Variants in DNAJC11 observed in about 807,000 individuals in gnomAD.
DNAJC11 encodes the protein DnaJ heat shock protein family (Hsp40) member C11.
DNAJC11 carries 15 observed loss-of-function variants against 78.6 expected under a neutral mutation model. That is an observed-to-expected ratio of 0.19 (90% CI 0.13 to 0.29). The LOEUF is 0.29. Ranked by LOEUF, DNAJC11 falls within the 10% of genes least tolerant of loss-of-function variation. DNAJC11 has a pLI of 1.00. For missense variants in DNAJC11, 547 were observed against 709.6 expected, an observed-to-expected ratio of 0.77 and a Z score of 2.60; for synonymous variants, 292 against 272.1, an observed-to-expected ratio of 1.07 and a Z score of -0.72.
chr1:6,689,771 C>T (rs970270908), intron 1 of DNAJC11, among the ~76,000 whole-genome samples: 17 of 148,192 alleles, frequency 1.1e-4, no homozygotes, highest in African/African-American at 3.5e-4. Flanking sequence ...AGCGAAACTC[C>T]GTCAAAAAAA....
chr1:6,676,175 C>A (rs544136822), intron 3 of DNAJC11, among the ~76,000 whole-genome samples: 1 of 152,268 alleles, frequency 6.6e-6, no homozygotes, highest in African/African-American at 2.4e-5. Context: ...GGAGGACATG[C>A]AGATGAGAAG....
At chr1:6,641,651 C>T (rs1641880265) in intron 10 of DNAJC11, among the ~76,000 whole-genome samples, 1 of 151,756 alleles carries the variant, frequency 6.6e-6, no homozygotes, top group Admixed American at 6.6e-5. Flanking sequence ...CCTGTCTTGG[C>T]CTCCCAAAGT....
At chr1:6,676,449 G>C (rs180782613) in intron 3 of DNAJC11, among the ~76,000 whole-genome samples, 19 of 152,244 alleles carry the variant, frequency 1.2e-4, no homozygotes, top group African/African-American at 3.9e-4. Flanking sequence ...GGAGGCTGAG[G>C]GGGGAGGGTA....
intron 6 of DNAJC11, 100 bp downstream of exon 6, chr1:6,652,729 G>A (rs1223251886): frequency 1.3e-6 from 2 of 1,527,740 alleles, no homozygotes; most frequent in Non-Finnish European, 1.8e-6. Context: ...ACACAACAAC[G>A]GGGCCCCCAG....
intron 1 of DNAJC11, among the ~76,000 whole-genome samples, chr1:6,690,663 G>T (rs569013268): frequency 6.6e-6 from 1 of 152,190 alleles, no homozygotes; most frequent in Non-Finnish European, 1.5e-5. Flanking sequence ...GGTGGCTCAC[G>T]CCTGTAATCC....
intron 1 of DNAJC11, among the ~76,000 whole-genome samples, chr1:6,701,527 T>G (rs1177375430): frequency 1.3e-5 from 2 of 152,054 alleles, no homozygotes; most frequent in East Asian, 3.9e-4. Flanking sequence ...GGGCGGAGGC[T>G]GGCCCCGGAA....
intron 7 of DNAJC11, among the ~76,000 whole-genome samples, chr1:6,647,303 G>A (rs939564278): frequency 4.6e-5 from 7 of 151,642 alleles, no homozygotes; most frequent in East Asian, 2.0e-4. Flanking sequence ...GACTGGTCTC[G>A]AATTCCTGCC....
At chr1:6,635,951 C>T (rs1641759198) in intron 15 of DNAJC11, among the ~76,000 whole-genome samples, 166 bp downstream of exon 15, 1 of 152,220 alleles carries the variant, frequency 6.6e-6, no homozygotes, top group Non-Finnish European at 1.5e-5. Flanking sequence ...TTTTAGGGCA[C>T]AAATCATGGG....
chr1:6,658,451 C>T (rs768310642), intron 4 of DNAJC11, among the ~76,000 whole-genome samples: 21 of 152,120 alleles, frequency 1.4e-4, no homozygotes, highest in Non-Finnish European at 2.4e-4. Flanking sequence ...ATTATAATTA[C>T]ACTGGGTAGA....
intron 1 of DNAJC11, among the ~76,000 whole-genome samples, chr1:6,695,557 C>T (rs1642820747): frequency 1.4e-5 from 2 of 141,008 alleles, no homozygotes; most frequent in Admixed American, 7.7e-5. Context: ...TTTGGGAGGC[C>T]GAGGCGGATG....
At chr1:6,657,193 C>G (rs553737504) in intron 4 of DNAJC11, among the ~76,000 whole-genome samples, 23 of 152,032 alleles carry the variant, frequency 1.5e-4, no homozygotes, top group Non-Finnish European at 2.8e-4. Flanking sequence ...GACTTCAAGA[C>G]CAGCTCACGA....
chr1:6,686,469 T>C (rs1226050066), intron 1 of DNAJC11, among the ~76,000 whole-genome samples: 2 of 152,204 alleles, frequency 1.3e-5, no homozygotes, highest in Non-Finnish European at 2.9e-5. Flanking sequence ...CTAGTACAGT[T>C]TGGCAATGTC....
intron 1 of DNAJC11, among the ~76,000 whole-genome samples, chr1:6,682,176 A>AAG (rs1642564033): frequency 1.3e-5 from 2 of 151,148 alleles, no homozygotes; most frequent in South Asian, 4.2e-4. Flanking sequence ...AAAAAAAAAA[A>AAG]AAAAAAAGAT....
At chr1:6,637,870 C>A (rs1036577209) in intron 12 of DNAJC11, 1 of 418,066 alleles carries the variant, frequency 2.4e-6, no homozygotes. Context: ...GCTGGAATCC[C>A]AGCTCCTCTT....
At chr1:6,651,743 A>G (rs1642057549) in intron 6 of DNAJC11, 141 bp from the exon 7 acceptor site, 5 of 658,390 alleles carry the variant, frequency 7.6e-6, no homozygotes, top group Non-Finnish European at 1.3e-5. Flanking sequence ...GGGGTGGAAG[A>G]TTGTTAATGT....
intron 1 of DNAJC11, among the ~76,000 whole-genome samples, chr1:6,700,056 A>G (rs1642900759): frequency 6.6e-6 from 1 of 152,184 alleles, no homozygotes; most frequent in South Asian, 2.1e-4. Context: ...GCCTTAACTG[A>G]AGATATTCCA....
chr1:6,671,536 AT>A (rs34229944), intron 3 of DNAJC11, among the ~76,000 whole-genome samples: 155 of 127,078 alleles, frequency 1.2e-3, no homozygotes, highest in Middle Eastern at 4.8e-3. Context: ...GCGCCTGGCC[AT>A]TTTTTTTTTT....
In DNAJC11 at chr1:6,645,137, A is replaced by G; in HGVS notation, c.895-11T>C. The G allele has an allele frequency of 6.2e-7, 1 of 1,609,050 alleles. No individual in the cohort carries two copies. Among genetic ancestry groups the G allele is most frequent in the Non-Finnish European group, 8.5e-7 (1 of 1,175,846 alleles). Reference sequence around the variant, plus strand: ...GTGAGGGATTCCCAGCTGGGGAGACAGAGGGTGCAAGGATGCGTGGCTAGG... The same window carrying G: ...GTGAGGGATTCCCAGCTGGGGAGACGGAGGGTGCAAGGATGCGTGGCTAGG... On this transcript the variant is annotated splice_polypyrimidine_tract_variant and intron_variant, in intron 8 of 15. Coordinates refer to ENST00000377577, the MANE Select transcript of DNAJC11 (RefSeq NM_018198.4). This position sits in a 1 kb window ranked among gnomAD's most constrained non-coding sequence, Gnocchi z 4.1.
At chr1:6,663,820 C>T (rs965961494) in intron 4 of DNAJC11, among the ~76,000 whole-genome samples, 1 of 152,220 alleles carries the variant, frequency 6.6e-6, no homozygotes, top group East Asian at 1.9e-4. Flanking sequence ...GTGATTAGAG[C>T]TAAGGACTGT....
Sources: gnomAD v4.1 joint callset for allele counts (sites outside exome capture counted in the v4.1 genomes callset) on GRCh38, gnomAD v4.1.1 for gene constraint, Gnocchi (gnomAD v3.1) non-coding constraint, MANE v1.5 for transcripts, NCBI Gene and HGNC (gene_info 2026-07-23, HGNC 2026-07-21) for gene names.